LMOD1: variants seen among roughly 807,000 people sequenced by gnomAD.
LMOD1 encodes leiomodin-1.
LMOD1 carries 8 observed loss-of-function variants against 36.5 expected under a neutral mutation model. That is an observed-to-expected ratio of 0.22 (90% CI 0.13 to 0.40). The LOEUF (loss-of-function observed/expected upper bound fraction) is 0.40. Ranked by LOEUF, LMOD1 falls within the 10% of genes least tolerant of loss-of-function variation. The pLI, the probability that LMOD1 is intolerant of heterozygous loss-of-function variation, is 1.00. For missense variants in LMOD1, 630 were observed against 751.1 expected (o/e 0.84, Z 1.88); for synonymous variants, 284 against 288.7 (o/e 0.98, Z 0.17).
chr1:201,936,118 A>G (rs964708019), intron 1 of LMOD1, among the ~76,000 whole-genome samples: 2 of 146,078 alleles, frequency 1.4e-5, no homozygotes, highest in Non-Finnish European at 3.0e-5. Flanking sequence ...AAAAAAAAAA[A>G]AAGACATCAA....
At chr1:201,901,570 A>ATATATATATACATATATATATG (rs1681314041) in intron 1 of LMOD1, among the ~76,000 whole-genome samples, 2 of 16,198 alleles carry the variant, frequency 1.2e-4, no homozygotes, top group African/African-American at 3.7e-4. Flanking sequence ...ATATGTATAT[A>ATATATATATACATATATATATG]TATATATATA....
chr1:201,910,201 A>G (rs6696963), intron 1 of LMOD1, among the ~76,000 whole-genome samples: 1,974 of 151,600 alleles, frequency 0.013, 36 homozygotes, highest in African/African-American at 0.042. Flanking sequence ...GGCTGCTGGG[A>G]GCCAGGGGCC....
At chr1:201,924,585 G>GA (rs1681779838) in intron 1 of LMOD1, among the ~76,000 whole-genome samples, 2 of 144,082 alleles carry the variant, frequency 1.4e-5, no homozygotes, top group African/African-American at 5.2e-5. Context: ...AGGAAGGAAG[G>GA]AGGGAGGGAG....
chr1:201,900,426 C>A lies in LMOD1; in HGVS notation c.587G>T (p.Arg196Met). Residue 196 changes from arginine to methionine, a missense_variant, in exon 2 of 3, where the codon AGG becomes ATG. Coordinates refer to ENST00000367288, the MANE Select transcript of LMOD1 (RefSeq NM_012134.3). The stretch of plus-strand genomic sequence containing the variant: ...CTTGTCCCTGCTCAAGCCTGTGTTC[C>A]TGTCACTCCCTTTCTTCTCCTCTTC... ...KKEEEKKGSD[R>M]NTGLSRDKDK... is the part of the protein sequence containing the mutation. The A allele has an allele frequency of 6.3e-7, 1 of 1,582,846 alleles. No homozygotes were observed. The highest frequency in any genetic ancestry group is 8.6e-7 in the Non-Finnish European group (1 of 1,163,942).
At chr1:201,906,535 G>C (rs2102912235) in intron 1 of LMOD1, among the ~76,000 whole-genome samples, 1 of 152,284 alleles carries the variant, frequency 6.6e-6, no homozygotes, top group Non-Finnish European at 1.5e-5. Context: ...CTGACTATGG[G>C]CTGGAGGGCC....
rs1441650567 is a variant in LMOD1, at chr1:201,899,188, C to T, written c.1776+49G>A. 1.3e-6 allele frequency: 2 copies of T among 1,503,172 alleles called. No homozygotes were observed. Among genetic ancestry groups the T allele is most frequent in the African/African-American group, 1.4e-5 (1 of 71,802 alleles). The allele number at this position is 1,503,172 out of a possible 1,614,324, so 93.1% of individuals were successfully genotyped here. ...CCTTTTGCAGTCCTACCCTCTCCTC[C>T]AGGCCCTACCCAGCCCCGCCCTGTT... On this transcript the variant is annotated intron_variant, in intron 2 of 2. Transcript: ENST00000367288. The surrounding 1 kb of genome is among the most constrained non-coding windows in gnomAD (Gnocchi z 6.3).
In LMOD1 at chr1:201,941,451, T is replaced by C. The variant is rs539065435; in HGVS notation, c.261+4629A>G. On this transcript the variant is annotated intron_variant, in intron 1 of 2. Transcript: ENST00000367288. ...TCTCCGGTGCCTGCTTTTGCCTCCC[T>C]GGGTCAACAGGCCCCCGTCACCTCT... Among the ~76,000 whole-genome samples, 72 of 152,298 alleles carry C rather than the reference T, an allele frequency of 4.7e-4. 1 individual carries two copies. The highest frequency in any genetic ancestry group is 1.5e-3 in the African/African-American group (63 of 41,562).
chr1:201,905,156 G>A (rs1265948803), intron 1 of LMOD1, among the ~76,000 whole-genome samples: 1 of 152,230 alleles, frequency 6.6e-6, no homozygotes, highest in Admixed American at 6.5e-5. Flanking sequence ...AAGCATTAGG[G>A]TTAGGGGAAG....
At position 201,896,672 on chromosome 1, in the gene LMOD1, C is replaced by T. The variant is rs1207608315; in HGVS notation, c.*1700G>A. ...GGCTGACAGTGGAAGCTCTAGCTGG[C>T]CTTAGCTCCAGCTCATACCCTTTAG... On this transcript the variant is annotated 3_prime_UTR_variant, in exon 3 of 3. Transcript: ENST00000367288. The T allele has an allele frequency of 4.4e-6, 2 of 456,580 alleles. No homozygotes were observed. The highest frequency in any genetic ancestry group is 2.0e-5 in the African/African-American group (1 of 50,054). 28.3% of individuals were successfully genotyped at this position (456,580 alleles called of 1,614,324 possible).
intron 1 of LMOD1, among the ~76,000 whole-genome samples, chr1:201,905,398 G>T (rs1270944161): frequency 1.3e-5 from 2 of 152,250 alleles, no homozygotes; most frequent in Admixed American, 6.5e-5. Flanking sequence ...CAGATGGGCA[G>T]AGCACAGCAT....
intron 1 of LMOD1, among the ~76,000 whole-genome samples, chr1:201,903,237 T>A (rs1461320476): frequency 1.3e-5 from 2 of 152,244 alleles, no homozygotes; most frequent in East Asian, 3.8e-4. Context: ...TGGGTTTTTT[T>A]AGCAGCGAGA....
chr1:201,920,754 C>T (rs957832345), intron 1 of LMOD1, among the ~76,000 whole-genome samples: 9 of 152,224 alleles, frequency 5.9e-5, no homozygotes, highest in East Asian at 1.9e-4. Context: ...GGAGGCTGGG[C>T]GCGGTGGCTC....
intron 1 of LMOD1, among the ~76,000 whole-genome samples, chr1:201,928,834 G>A (rs1386329205): frequency 6.6e-6 from 1 of 151,772 alleles, no homozygotes; most frequent in Non-Finnish European, 1.5e-5. Flanking sequence ...TCATGCCTCA[G>A]CCTCCTGAAT....
rs548598858 is a variant in LMOD1 at position 201,939,054 on chromosome 1, G to A, written c.261+7026C>T. 1.2e-3 allele frequency among the ~76,000 whole-genome samples: 184 copies of A among 152,090 alleles called. 1 individual carries two copies. The highest frequency in any genetic ancestry group is 4.3e-3 in the African/African-American group (178 of 41,496). On this transcript the variant is annotated intron_variant, in intron 1 of 2. Transcript: ENST00000367288. ...GAAATCAGGCTGCTGGGGCCAGGCA[G>A]CGAGTAATTACATAAGCCCTGCCTC... is the stretch of plus-strand genomic sequence containing the variant.
intron 1 of LMOD1, among the ~76,000 whole-genome samples, chr1:201,915,860 C>T (rs1040886523): frequency 4.6e-5 from 7 of 152,144 alleles, no homozygotes; most frequent in African/African-American, 1.2e-4. Flanking sequence ...GATCCTTGCA[C>T]GGCAGCCCCA....
rs184680291 is a variant in LMOD1 at position 201,913,403 on chromosome 1, C to T, written c.262-12652G>A. 1.4e-4 allele frequency among the ~76,000 whole-genome samples: 21 copies of T among 152,096 alleles called. 2 individuals are homozygous for T. The highest frequency in any genetic ancestry group is 5.1e-4 in the African/African-American group (21 of 41,490). On this transcript the variant is annotated intron_variant, in intron 1 of 2. Coordinates refer to ENST00000367288, the MANE Select transcript of LMOD1 (RefSeq NM_012134.3). ...GGTGGATCACTTGAGGTCACCAGCT[C>T]GAGACCAGCCTGGGCAACATGGTGA...
intron 1 of LMOD1, among the ~76,000 whole-genome samples, chr1:201,931,331 TCG>T (rs1681914535): frequency 6.6e-6 from 1 of 152,186 alleles, no homozygotes; most frequent in Non-Finnish European, 1.5e-5. Flanking sequence ...GGGCAAGAGT[TCG>T]AGACCGGCCT....
At chr1:201,921,842 C>A (rs970826946) in intron 1 of LMOD1, among the ~76,000 whole-genome samples, 2 of 151,926 alleles carry the variant, frequency 1.3e-5, no homozygotes, top group Non-Finnish European at 2.9e-5. Context: ...CGCCTGTAGT[C>A]CCAGCTGCTC....
At chr1:201,913,968 A>G (rs1255113354) in intron 1 of LMOD1, among the ~76,000 whole-genome samples, 1 of 152,164 alleles carries the variant, frequency 6.6e-6, no homozygotes, top group Non-Finnish European at 1.5e-5. Flanking sequence ...GCTGCTATGA[A>G]CATATCTGTG....
Sources: allele counts gnomAD v4.1 joint callset (sites outside exome capture counted in the v4.1 genomes callset), GRCh38; gene constraint gnomAD v4.1.1; non-coding constraint Gnocchi (gnomAD v3.1); transcripts MANE v1.5; gene names NCBI Gene and HGNC (gene_info 2026-07-23, HGNC 2026-07-21).